PITPNC1: variants seen among roughly 807,000 people sequenced by gnomAD.
PITPNC1 encodes phosphatidylinositol transfer protein cytoplasmic 1, also known as cytoplasmic phosphatidylinositol transfer protein 1.
PITPNC1 carries 18 observed loss-of-function variants against 44.7 expected under a neutral mutation model. That is an observed-to-expected ratio of 0.40 (90% CI 0.28 to 0.60). PITPNC1 has a LOEUF of 0.60. Among genes scored for constraint, PITPNC1 ranks in the 20% least tolerant of loss-of-function variants. The pLI, the probability that PITPNC1 is intolerant of heterozygous loss-of-function variation, is 0.39. For synonymous variants in PITPNC1, 141 were observed against 149.6 expected (o/e 0.94, Z 0.42); for missense variants, 290 against 418.4 (o/e 0.69, Z 2.68).
At chr17:67,503,579 A>G (rs2040063773) in intron 1 of PITPNC1, among the ~76,000 whole-genome samples, 1 of 152,178 alleles carries the variant, frequency 6.6e-6, no homozygotes, top group East Asian at 1.9e-4. Flanking sequence ...TTAATAGGGG[A>G]AAAGCCATAC....
chr17:67,632,000 G>C (rs1268187360), intron 5 of PITPNC1, 143 bp from the exon 6 acceptor site: 1 of 601,886 alleles, frequency 1.7e-6, no homozygotes, highest in Non-Finnish European at 3.0e-6. Flanking sequence ...TATGATTCTT[G>C]CGCATTCTGA....
intron 2 of PITPNC1, among the ~76,000 whole-genome samples, chr17:67,545,817 C>A (rs555595421): frequency 9.2e-4 from 140 of 152,078 alleles, no homozygotes; most frequent in Non-Finnish European, 1.7e-3. Context: ...ACACACCGTT[C>A]TAGGTGCTGG....
intron 5 of PITPNC1, among the ~76,000 whole-genome samples, chr17:67,604,952 G>A (rs914090273): frequency 7.2e-5 from 11 of 151,850 alleles, no homozygotes; most frequent in Admixed American, 3.9e-4. Flanking sequence ...GTTGGGATGC[G>A]CCTGTAGTCC....
intron 5 of PITPNC1, among the ~76,000 whole-genome samples, chr17:67,614,052 A>ACT (rs79677570): frequency 0.17 from 25,525 of 150,932 alleles, 2,226 homozygotes; most frequent in East Asian, 0.3. Context: ...GCGCCACTGC[A>ACT]CTCCAGCCTG....
Position 67,599,014 on chromosome 17 carries a change from ATATATATATATATATATATATT to A in PITPNC1, c.366+20759_366+20780del, listed in dbSNP as rs1484913802. On this transcript the variant is annotated intron_variant, in intron 5 of 8. Coordinates refer to ENST00000581322, the MANE Select transcript of PITPNC1 (RefSeq NM_012417.4). ...CTATAAGAAATACATATATATATAT[ATATATATATATATATATATATT>A]TTTTTTTTTTTTTTTTTTACCATGT... Among the ~76,000 whole-genome samples, 49 of 20,176 alleles carry A rather than the reference ATATATATATATATATATATATT, an allele frequency of 2.4e-3. 3 individuals carry two copies. The highest frequency in any genetic ancestry group is 0.014 in the Admixed American group (35 of 2,496). The allele number at this position is 20,176 out of a possible 152,430, so 13.2% of individuals were successfully genotyped here.
chr17:67,489,227 G>A (rs78281168), intron 1 of PITPNC1, among the ~76,000 whole-genome samples: 1,936 of 152,218 alleles, frequency 0.013, 31 homozygotes, highest in African/African-American at 0.044. Flanking sequence ...TGTTTGCTCC[G>A]TCTCCTTTTG....
chr17:67,410,684 G>A (rs932222555), intron 1 of PITPNC1, among the ~76,000 whole-genome samples: 9 of 151,454 alleles, frequency 5.9e-5, no homozygotes, highest in African/African-American at 1.5e-4. Flanking sequence ...CCAACCGCAC[G>A]GGCCTGGTGA....
intron 4 of PITPNC1, among the ~76,000 whole-genome samples, chr17:67,564,082 G>C (rs2040941545): frequency 6.6e-6 from 1 of 152,090 alleles, no homozygotes; most frequent in African/African-American, 2.4e-5. Flanking sequence ...TGGATGGATT[G>C]ATAGATATTA....
chr17:67,470,977 G>A (rs2039517477), intron 1 of PITPNC1, among the ~76,000 whole-genome samples: 1 of 124,334 alleles, frequency 8.0e-6, no homozygotes, highest in African/African-American at 3.2e-5. Context: ...TGCAAGATGT[G>A]CTTTGTTAAA....
At chr17:67,421,862 C>G (rs2038676560) in intron 1 of PITPNC1, among the ~76,000 whole-genome samples, 2 of 152,206 alleles carry the variant, frequency 1.3e-5, no homozygotes, top group South Asian at 2.1e-4. Flanking sequence ...AATAAGCCAC[C>G]AAATCCTTCC....
intron 1 of PITPNC1, among the ~76,000 whole-genome samples, chr17:67,463,387 C>T (rs2143979787): frequency 6.6e-6 from 1 of 152,124 alleles, no homozygotes; most frequent in Admixed American, 6.5e-5. Context: ...GCAGTTGTGG[C>T]AATATTGATT....
chr17:67,542,978 G>C (rs574295893), intron 2 of PITPNC1, among the ~76,000 whole-genome samples: 8 of 152,322 alleles, frequency 5.3e-5, no homozygotes, highest in African/African-American at 1.9e-4. Context: ...TGCTTTGGCT[G>C]GTGGTTATGT....
intron 6 of PITPNC1, 94 bp downstream of exon 6, chr17:67,632,332 C>G (rs1026924669): frequency 3.8e-6 from 3 of 784,950 alleles, no homozygotes; most frequent in Non-Finnish European, 6.6e-6. Flanking sequence ...AGGATGCCAT[C>G]TCTCGTCGTG....
intron 2 of PITPNC1, among the ~76,000 whole-genome samples, chr17:67,544,293 C>G (rs2040648354): frequency 1.3e-5 from 2 of 152,146 alleles, no homozygotes; most frequent in South Asian, 4.1e-4. Context: ...CTAAATAAAA[C>G]CTGTCACCCA....
At chr17:67,386,177 A>G (rs907954888) in intron 1 of PITPNC1, among the ~76,000 whole-genome samples, 4 of 152,202 alleles carry the variant, frequency 2.6e-5, no homozygotes, top group African/African-American at 9.7e-5. Context: ...TATTGTAGGC[A>G]TTAAAAGAAA....
At position 67,508,245 on chromosome 17, in the gene PITPNC1, T is replaced by C. The variant is rs191633082; in HGVS notation, c.49-24557T>C. Among the ~76,000 whole-genome samples the C allele has an allele frequency of 3.9e-5, 6 of 152,240 alleles. No homozygotes were observed. In the East Asian group the frequency reaches 1.2e-3, roughly 29 times the overall value. On this transcript the variant is annotated intron_variant, in intron 1 of 8. Coordinates refer to ENST00000581322, the MANE Select transcript of PITPNC1 (RefSeq NM_012417.4). The surrounding 1 kb of genome is among the most constrained non-coding windows in gnomAD (Gnocchi z 4.2). ...GTCGAGTCTACAAAGTGAAAGCAAG[T>C]TTATTAAGAAAGTAGAGAATAAAAG...
chr17:67,425,583 G>A (rs1017272757), intron 1 of PITPNC1, among the ~76,000 whole-genome samples: 14 of 149,848 alleles, frequency 9.3e-5, no homozygotes, highest in Non-Finnish European at 1.9e-4. Flanking sequence ...GTGCAGTGGC[G>A]CAATCATGCC....
intron 2 of PITPNC1, among the ~76,000 whole-genome samples, chr17:67,543,689 T>C (rs1275519542): frequency 6.6e-6 from 1 of 152,228 alleles, no homozygotes; most frequent in East Asian, 1.9e-4. Context: ...ATCCTTTTAA[T>C]ACATGCCTCT....
At chr17:67,539,860 A>G (rs2247651) in intron 2 of PITPNC1, among the ~76,000 whole-genome samples, 2,753 of 152,198 alleles carry the variant, frequency 0.018, 82 homozygotes, top group African/African-American at 0.063. Context: ...AAACAAATGT[A>G]TATATACACA....
Sources: allele counts gnomAD v4.1 joint callset (sites outside exome capture counted in the v4.1 genomes callset), GRCh38; gene constraint gnomAD v4.1.1; non-coding constraint Gnocchi (gnomAD v3.1); transcripts MANE v1.5; gene names NCBI Gene and HGNC (gene_info 2026-07-23, HGNC 2026-07-21).